Variants in GGACT observed in about 807,000 individuals in gnomAD.
The protein encoded by GGACT is gamma-glutamylaminecyclotransferase.
For missense variants in GGACT, 241 were observed against 233.2 expected (o/e 1.03, Z -0.22); for synonymous variants, 118 against 115.3 (o/e 1.02, Z -0.15).
At chr13:100,556,524 C>T (rs1422485208) in intron 2 of GGACT, among the ~76,000 whole-genome samples, 1 of 151,550 alleles carries the variant, frequency 6.6e-6, no homozygotes, top group Non-Finnish European at 1.5e-5. Flanking sequence ...ATAATTTTCA[C>T]AGTAAAAATG....
At chr13:100,544,811 A>T (rs1467578448) in intron 2 of GGACT, among the ~76,000 whole-genome samples, 5 of 152,250 alleles carry the variant, frequency 3.3e-5, no homozygotes, top group Non-Finnish European at 4.4e-5. Flanking sequence ...CAACGCAGAC[A>T]TGACCATCCC....
rs778935880 is a variant in GGACT at position 100,545,205 on chromosome 13, C to G, written c.-10-12604G>C. 3.3e-5 allele frequency among the ~76,000 whole-genome samples: 5 copies of G among 152,236 alleles called. No individual in the cohort carries two copies. Among genetic ancestry groups the G allele is most frequent in the Admixed American group, 2.0e-4 (3 of 15,288 alleles). On this transcript the variant is annotated intron_variant, in intron 2 of 2. Transcript: ENST00000683975. This position sits in a 1 kb window ranked among gnomAD's most constrained non-coding sequence, Gnocchi z 4.4. ...ATCAACGCCACCCCCAAGGGAGAGC[C>G]CTGACTCCATGCCCACCCCATGCCA... is the stretch of plus-strand genomic sequence containing the variant.
chr13:100,587,876 A>G (rs1304806847), intron 1 of GGACT, among the ~76,000 whole-genome samples: 1 of 152,184 alleles, frequency 6.6e-6, no homozygotes, highest in Non-Finnish European at 1.5e-5. Context: ...AAACACAAAA[A>G]TAAGCTGGGC....
intron 2 of GGACT, chr13:100,539,639 A>G (rs1167746107): frequency 2.1e-6 from 1 of 484,166 alleles, no homozygotes; most frequent in Non-Finnish European, 3.6e-6. Flanking sequence ...ATCGATCTTC[A>G]TCAAGAATAT....
Position 100,532,197 on chromosome 13 carries a change from G to T in GGACT, c.395C>A (p.Pro132Gln). The change falls in exon 3 of 3, where the codon CCG (proline) becomes CAG (glutamine). Residue 132 changes from proline to glutamine, a missense_variant. By Grantham distance (76) the Pro-to-Gln change is moderately conservative. Transcript: ENST00000683975. ...CTCGGAGTCGTAGCTGTCATGGTGCGGGAGCTGGGCCCACTCCGGCGGGAA... is the reference window on the plus strand; with the variant it reads ...CTCGGAGTCGTAGCTGTCATGGTGCTGGAGCTGGGCCCACTCCGGCGGGAA... ...ATFPPEWAQL[P>Q]HHDSYDSEGP... is the part of the protein sequence containing the mutation. The T allele has an allele frequency of 6.8e-7, 1 of 1,476,236 alleles. No individual in the cohort carries two copies. The highest frequency in any genetic ancestry group is 9.0e-7 in the Non-Finnish European group (1 of 1,106,522). 91.4% of individuals were successfully genotyped at this position (1,476,236 alleles called of 1,614,324 possible).
At chr13:100,540,573 C>T (rs1039195832) in intron 2 of GGACT, among the ~76,000 whole-genome samples, 1 of 152,188 alleles carries the variant, frequency 6.6e-6, no homozygotes, top group African/African-American at 2.4e-5. Context: ...AAACAGCCAA[C>T]TCTTGGTTTA....
intron 1 of GGACT, among the ~76,000 whole-genome samples, chr13:100,584,595 T>C (rs567440274): frequency 1.3e-5 from 2 of 152,240 alleles, no homozygotes; most frequent in East Asian, 3.9e-4. Flanking sequence ...TCAGTAATAA[T>C]GTAACTATAC....
In GGACT at chr13:100,566,607, C is replaced by G. The variant is rs552403550; in HGVS notation, c.-11+17218G>C. On this transcript the variant is annotated intron_variant, in intron 2 of 2. Coordinates refer to ENST00000683975, the MANE Select transcript of GGACT (RefSeq NM_001195087.2). ...TCCCTGGGGGCCCGGGCACCAGCAA[C>G]TCATGCTCCTCGGCTCTCAGCCCTG... 7.7e-4 allele frequency among the ~76,000 whole-genome samples: 115 copies of G among 150,226 alleles called. 1 individual carries two copies. The highest frequency in any genetic ancestry group is 2.6e-3 in the African/African-American group (104 of 40,714).
rs1875318687 is a variant in GGACT at position 100,578,480 on chromosome 13, T to A, written c.-11+5345A>T. ...TGGCAAGCTCCCACAGTCAGTACAT[T>A]CATTTATATCCCAGCTGATCTTAAG... On this transcript the variant is annotated intron_variant, in intron 2 of 2. Transcript: ENST00000683975. 1.3e-5 allele frequency among the ~76,000 whole-genome samples: 2 copies of A among 152,182 alleles called. 1 individual carries two copies. The highest frequency in any genetic ancestry group is 4.1e-4 in the South Asian group (2 of 4,824).
At chr13:100,579,609 T>C (rs369186349) in intron 2 of GGACT, among the ~76,000 whole-genome samples, 4 of 152,180 alleles carry the variant, frequency 2.6e-5, no homozygotes, top group African/African-American at 9.6e-5. Context: ...AAGGAAGAAA[T>C]GCTACAACAG....
At chr13:100,550,417 TACACACACACACACACACACACACACAC>T (rs61669253) in intron 2 of GGACT, among the ~76,000 whole-genome samples, 3 of 72,514 alleles carry the variant, frequency 4.1e-5, no homozygotes, top group African/African-American at 1.6e-4. Context: ...GATTATACTC[TACACACACACACACACACACACACACAC>T]ACACACACAC....
intron 2 of GGACT, among the ~76,000 whole-genome samples, chr13:100,577,418 A>AAAATAAATAAAT (rs59417268): frequency 0.34 from 47,587 of 140,816 alleles, 8,584 homozygotes; most frequent in South Asian, 0.54. Flanking sequence ...CTCCATCTCA[A>AAAATAAATAAAT]AAATAAATAA....
rs897048180 is a variant in GGACT, at chr13:100,534,644, T to A, written c.-10-2043A>T. 6.6e-6 allele frequency among the ~76,000 whole-genome samples: 1 copy of A among 152,116 alleles called. No individual in the cohort carries two copies. Among genetic ancestry groups the A allele is most frequent in the Admixed American group, 6.5e-5 (1 of 15,280 alleles). On this transcript the variant is annotated intron_variant, in intron 2 of 2. Transcript: ENST00000683975. This position sits in a 1 kb window ranked among gnomAD's most constrained non-coding sequence, Gnocchi z 4.9. ...CCTGCTGTGCAGCTGCCTTGGGGAC[T>A]CAGCATTTGGAAGGATTCATGTCCC...
intron 1 of GGACT, chr13:100,586,638 G>A (rs1253912999): frequency 3.3e-5 from 5 of 152,254 alleles, no homozygotes; most frequent in African/African-American, 9.7e-5. Context: ...CTCTGCTTAA[G>A]GTCTCCCCAA....
chr13:100,536,544 A>C (rs1351567373), intron 2 of GGACT: 1 of 150,752 alleles, frequency 6.6e-6, no homozygotes, highest in Non-Finnish European at 1.5e-5. Flanking sequence ...CACAGGCTCA[A>C]TATATATATA....
In GGACT at chr13:100,532,481, C is replaced by T. The variant is rs1489839542; in HGVS notation, c.111G>A (p.Leu37=). The part of the protein sequence containing the change: ...SAAFRARGRT[L]EPYPLVIAGE... ...CCGCGATCACCAACGGGTAGGGCTC[C>T]AGCGTGCGGCCGCGCGCCCGAAAGG... The change falls in exon 3 of 3, where the codon CTG becomes CTA. Residue 37 remains leucine, a synonymous_variant. Coordinates refer to ENST00000683975, the MANE Select transcript of GGACT (RefSeq NM_001195087.2). 3 of 1,549,314 alleles carry T rather than the reference C, an allele frequency of 1.9e-6. No homozygotes were observed. In the African/African-American group the frequency reaches 4.1e-5, roughly 21 times the overall value.
At chr13:100,551,551 C>T (rs546768033) in intron 2 of GGACT, among the ~76,000 whole-genome samples, 4 of 152,286 alleles carry the variant, frequency 2.6e-5, no homozygotes, top group African/African-American at 9.6e-5. Flanking sequence ...CACAAAATAG[C>T]TAAGGGGTAG....
chr13:100,543,365 G>A (rs1304112895), intron 2 of GGACT, among the ~76,000 whole-genome samples: 2 of 151,756 alleles, frequency 1.3e-5, no homozygotes, highest in Non-Finnish European at 2.9e-5. Context: ...CCACCACCAC[G>A]CCTGGCTAAT....
chr13:100,580,682 C>G (rs145849291), intron 2 of GGACT, among the ~76,000 whole-genome samples: 222 of 152,310 alleles, frequency 1.5e-3, no homozygotes, highest in African/African-American at 5.0e-3. Context: ...CAGAATAAAA[C>G]AGCCAGGGCT....
Sources: allele counts gnomAD v4.1 joint callset (sites outside exome capture counted in the v4.1 genomes callset), GRCh38; gene constraint gnomAD v4.1.1; non-coding constraint Gnocchi (gnomAD v3.1); transcripts MANE v1.5; gene names NCBI Gene and HGNC (gene_info 2026-07-23, HGNC 2026-07-21).